Variants in SGCG observed in about 807,000 individuals in gnomAD.
SGCG encodes gamma-sarcoglycan.
SGCG carries 26 observed loss-of-function variants against 29.3 expected under a neutral mutation model. That is an observed-to-expected ratio of 0.89 (90% confidence interval 0.65 to 1.23). SGCG has a LOEUF of 1.23. Among genes scored for constraint, SGCG ranks in the 50% most tolerant of loss-of-function variants. The pLI is 0.00. For missense variants in SGCG, 353 were observed against 356.0 expected (o/e 0.99, Z 0.07); for synonymous variants, 145 against 129.7 (o/e 1.12, Z -0.80).
At chr13:23,281,256 C>G (rs1313006926) in intron 5 of SGCG, among the ~76,000 whole-genome samples, 4 of 151,990 alleles carry the variant, frequency 2.6e-5, no homozygotes. Flanking sequence ...GGGAGGATCA[C>G]CTGAGCCTGG....
intron 2 of SGCG, chr13:23,217,641 T>A (rs1321397096): frequency 6.6e-6 from 1 of 151,848 alleles, no homozygotes. Flanking sequence ...CAGCTCTACT[T>A]TACAAGACAT....
intron 7 of SGCG, among the ~76,000 whole-genome samples, chr13:23,321,060 C>T (rs895719398): frequency 2.6e-4 from 40 of 152,210 alleles, no homozygotes; most frequent in African/African-American, 9.6e-4. Flanking sequence ...CAGACGTTCA[C>T]AGTTTACAGA....
intron 2 of SGCG, among the ~76,000 whole-genome samples, chr13:23,230,239 G>A (rs1374256806): frequency 6.6e-6 from 1 of 152,148 alleles, no homozygotes; most frequent in African/African-American, 2.4e-5. Context: ...TGCTCCTTTT[G>A]CTTAGGATTG....
intron 1 of SGCG, among the ~76,000 whole-genome samples, chr13:23,200,563 T>C (rs539854672): frequency 6.6e-6 from 1 of 152,190 alleles, no homozygotes; most frequent in South Asian, 2.1e-4. Flanking sequence ...AATAACAAAA[T>C]AGTTGAAAAC....
intron 5 of SGCG, among the ~76,000 whole-genome samples, chr13:23,293,956 C>G (rs958213721): frequency 6.6e-6 from 1 of 152,052 alleles, no homozygotes; most frequent in Non-Finnish European, 1.5e-5. Context: ...AATATTGAAA[C>G]TAGTACAAGG....
At chr13:23,297,345 G>C (rs1053534522) in intron 6 of SGCG, among the ~76,000 whole-genome samples, 1 of 151,960 alleles carries the variant, frequency 6.6e-6, no homozygotes, top group African/African-American at 2.4e-5. Flanking sequence ...GAAATATAGA[G>C]GTGTGAAGTG....
intron 2 of SGCG, among the ~76,000 whole-genome samples, chr13:23,234,390 G>A (rs1233774584): frequency 6.6e-6 from 1 of 151,684 alleles, no homozygotes; most frequent in Non-Finnish European, 1.5e-5. Flanking sequence ...AATGACTCTT[G>A]AAATTTTATA....
chr13:23,254,260 A>C (rs930712106), intron 4 of SGCG, among the ~76,000 whole-genome samples: 9 of 152,162 alleles, frequency 5.9e-5, no homozygotes, highest in Non-Finnish European at 1.2e-4. Context: ...AAATGTGGGC[A>C]GTGAAGATCA....
At chr13:23,323,546 C>G (rs1436158667) in intron 7 of SGCG, among the ~76,000 whole-genome samples, 1 of 152,202 alleles carries the variant, frequency 6.6e-6, no homozygotes, top group Non-Finnish European at 1.5e-5. Flanking sequence ...CTGGAGTGGG[C>G]AACGTTTGGC....
chr13:23,279,328 C>T (rs2137617410), intron 4 of SGCG, 31 bp from the exon 5 acceptor site: 5 of 1,604,816 alleles, frequency 3.1e-6, no homozygotes, highest in Non-Finnish European at 4.3e-6. Context: ...TTGTAGTGAA[C>T]AGTTTATAAT....
intron 3 of SGCG, among the ~76,000 whole-genome samples, chr13:23,248,341 T>C (rs907367667): frequency 1.3e-5 from 2 of 152,186 alleles, no homozygotes; most frequent in African/African-American, 4.8e-5. Context: ...TTTATCTTTT[T>C]TTCTTCAGGA....
intron 5 of SGCG, among the ~76,000 whole-genome samples, chr13:23,291,769 T>G (rs2137638153): frequency 6.6e-6 from 1 of 152,348 alleles, no homozygotes; most frequent in East Asian, 1.9e-4. Context: ...TTATTGCCAC[T>G]GAAACTCTTT....
At chr13:23,279,120 A>AT (rs1881203070) in intron 4 of SGCG, among the ~76,000 whole-genome samples, 1 of 152,232 alleles carries the variant, frequency 6.6e-6, no homozygotes, top group Non-Finnish European at 1.5e-5. Context: ...TAAATAATGT[A>AT]TTTGTACATA....
intron 5 of SGCG, among the ~76,000 whole-genome samples, chr13:23,290,625 A>G (rs1394844009): frequency 6.6e-6 from 1 of 152,236 alleles, no homozygotes; most frequent in Non-Finnish European, 1.5e-5. Flanking sequence ...TAGAGGCATT[A>G]TGTGGTGACA....
chr13:23,260,793 C>T (rs1227768172), intron 4 of SGCG, among the ~76,000 whole-genome samples: 1 of 151,956 alleles, frequency 6.6e-6, no homozygotes, highest in African/African-American at 2.4e-5. Flanking sequence ...TTTATTTCTC[C>T]TTCGCTTATG....
At chr13:23,286,666 T>A (rs1456632606) in intron 5 of SGCG, among the ~76,000 whole-genome samples, 1 of 149,530 alleles carries the variant, frequency 6.7e-6, no homozygotes, top group Non-Finnish European at 1.5e-5. Flanking sequence ...CAGTAAGAGA[T>A]TAACAACAAT....
chr13:23,183,926 A>T lies in SGCG; in HGVS notation c.-1+2851A>T, dbSNP rs532798479. Among the ~76,000 whole-genome samples the T allele has an allele frequency of 5.3e-5, 8 of 152,176 alleles. No individual in the cohort carries two copies. In the East Asian group the frequency reaches 1.4e-3, roughly 26 times the overall value. On this transcript the variant is annotated intron_variant, in intron 1 of 7. Transcript: ENST00000218867. ...CGTGATCCACCCGCCTCGGCCTCCC[A>T]AAGTGCTGGGATTACAGGCATGAGC...
At chr13:23,249,605 A>G (rs1879880717) in intron 3 of SGCG, among the ~76,000 whole-genome samples, 1 of 152,208 alleles carries the variant, frequency 6.6e-6, no homozygotes, top group Non-Finnish European at 1.5e-5. Flanking sequence ...ACAGAAGGAA[A>G]AACGTACATG....
upstream of SGCG, among the ~76,000 whole-genome samples, chr13:23,178,762 TGAC>T (rs1314986774): frequency 6.6e-6 from 1 of 152,312 alleles, no homozygotes; most frequent in African/African-American, 2.4e-5. Flanking sequence ...TCTCCAAAAC[TGAC>T]GACATCACTA....
Sources: gnomAD v4.1 joint callset for allele counts (sites outside exome capture counted in the v4.1 genomes callset) on GRCh38, gnomAD v4.1.1 for gene constraint, MANE v1.5 for transcripts, NCBI Gene and HGNC (gene_info 2026-07-23, HGNC 2026-07-21) for gene names.